TRAPPC12: variants seen among roughly 807,000 people sequenced by gnomAD.
The protein encoded by TRAPPC12 is TPR repeat protein 15.
In TRAPPC12, 61 loss-of-function variants were observed where a neutral mutation model predicts 69.2. That is an observed-to-expected ratio of 0.88 (90% confidence interval 0.72 to 1.09). TRAPPC12 has a LOEUF of 1.09. Among genes scored for constraint, TRAPPC12 ranks in the 50% least tolerant of loss-of-function variants. TRAPPC12 has a pLI of 0.00. For missense variants in TRAPPC12, 1,101 were observed against 1,016.4 expected (o/e 1.08, Z -1.13); for synonymous variants, 469 against 438.9 (o/e 1.07, Z -0.86).
intron 3 of TRAPPC12, among the ~76,000 whole-genome samples, chr2:3,415,958 C>T (rs564863872): frequency 4.6e-5 from 7 of 152,206 alleles, no homozygotes; most frequent in Non-Finnish European, 7.4e-5. Context: ...CCTCATGATC[C>T]GCCCCCCTCA....
At chr2:3,474,505 A>G (rs369181508) in intron 9 of TRAPPC12, among the ~76,000 whole-genome samples, 5 of 152,196 alleles carry the variant, frequency 3.3e-5, no homozygotes. Context: ...GACACTCAGT[A>G]TTAACCTTGA....
intron 2 of TRAPPC12, among the ~76,000 whole-genome samples, chr2:3,395,758 C>G (rs1483155436): frequency 6.7e-6 from 1 of 149,236 alleles, no homozygotes; most frequent in Non-Finnish European, 1.5e-5. Flanking sequence ...GAGACACAGT[C>G]TCACTCTGTC....
intron 5 of TRAPPC12, among the ~76,000 whole-genome samples, chr2:3,438,563 C>T (rs1338646683): frequency 1.4e-5 from 2 of 147,206 alleles, no homozygotes; most frequent in Non-Finnish European, 3.0e-5. Context: ...GATTGATCCC[C>T]CCTCACCCCT....
At chr2:3,426,501 G>A (rs1459961022) in intron 5 of TRAPPC12, among the ~76,000 whole-genome samples, 1 of 152,242 alleles carries the variant, frequency 6.6e-6, no homozygotes, top group African/African-American at 2.4e-5. Flanking sequence ...GCTTGAGGGT[G>A]CGTGTTCAGG....
chr2:3,422,675 CCTT>C (rs1662876877), intron 4 of TRAPPC12, among the ~76,000 whole-genome samples: 1 of 152,192 alleles, frequency 6.6e-6, no homozygotes, highest in Admixed American at 6.5e-5. Context: ...CCAGCAGGCT[CCTT>C]CTCCTTCTTT....
chr2:3,457,598 C>T lies in TRAPPC12; in HGVS notation c.1531-23C>T, dbSNP rs73131601. Reference sequence around the variant, plus strand: ...AAAAATTGGTTCCCATGATTTTGTCCTTCTCATTTGGAATGATTGCAGATC... The same window carrying T: ...AAAAATTGGTTCCCATGATTTTGTCTTTCTCATTTGGAATGATTGCAGATC... On this transcript the variant is annotated intron_variant, in intron 6 of 11. Coordinates refer to ENST00000324266, the MANE Select transcript of TRAPPC12 (RefSeq NM_016030.6). 5.3e-3 allele frequency: 8,602 copies of T among 1,609,174 alleles called. 381 individuals are homozygous for T. In the African/African-American group the frequency reaches 0.099, roughly 19 times the overall value.
intron 2 of TRAPPC12, chr2:3,388,880 A>G: frequency 6.0e-6 from 3 of 501,328 alleles, no homozygotes; most frequent in Non-Finnish European, 1.0e-5. Flanking sequence ...TGCTACTCAG[A>G]GAGGTAGAAA....
intron 1 of TRAPPC12, among the ~76,000 whole-genome samples, chr2:3,384,887 C>A (rs1480807153): frequency 6.6e-6 from 1 of 152,076 alleles, no homozygotes; most frequent in Non-Finnish European, 1.5e-5. Context: ...CCTATATTTT[C>A]TTTGTAGGAA....
intron 1 of TRAPPC12, among the ~76,000 whole-genome samples, chr2:3,385,268 T>C (rs1487485494): frequency 6.6e-6 from 1 of 152,168 alleles, no homozygotes; most frequent in Non-Finnish European, 1.5e-5. Context: ...AAAGCAAAAG[T>C]GATCATCCTT....
At chr2:3,404,277 C>G (rs966953770) in intron 3 of TRAPPC12, among the ~76,000 whole-genome samples, 1 of 152,160 alleles carries the variant, frequency 6.6e-6, no homozygotes, top group Non-Finnish European at 1.5e-5. Context: ...TTTTAAACTT[C>G]TCTTTGACTT....
At chr2:3,415,959 G>T (rs183674976) in intron 3 of TRAPPC12, among the ~76,000 whole-genome samples, 11 of 150,492 alleles carry the variant, frequency 7.3e-5, no homozygotes, top group African/African-American at 2.7e-4. Flanking sequence ...CTCATGATCC[G>T]CCCCCCTCAG....
rs372676903 is a variant in TRAPPC12 at position 3,443,814 on chromosome 2, G to A, written c.1453G>A (p.Ala485Thr). Residue 485 changes from alanine to threonine, a missense_variant, in exon 6 of 12, where the codon GCG (alanine) becomes ACG (threonine). Ala to Thr is a moderately conservative substitution (Grantham distance 58). Transcript: ENST00000324266. ...CCCCTTCTCGATGCGCATCTTGCAC[G>A]CGGAGCTTCAGCAGTACCTGGGGAA... ...MVPFSMRILHAELQQYLGNPQ... is the reference protein window; with the variant it reads ...MVPFSMRILHTELQQYLGNPQ... 238 of 1,613,982 alleles carry A rather than the reference G, an allele frequency of 1.5e-4. No individual in the cohort carries two copies. The highest frequency in any genetic ancestry group is 1.8e-4 in the Non-Finnish European group (217 of 1,180,040).
At chr2:3,462,811 C>T (rs1665579165) in intron 8 of TRAPPC12, 2 of 437,678 alleles carry the variant, frequency 4.6e-6, no homozygotes, top group Non-Finnish European at 9.6e-6. Flanking sequence ...GGCCCCCCCT[C>T]CCCCGGGTGC....
At chr2:3,419,133 C>G (rs557193531) in intron 3 of TRAPPC12, among the ~76,000 whole-genome samples, 1 of 152,214 alleles carries the variant, frequency 6.6e-6, no homozygotes, top group African/African-American at 2.4e-5. Flanking sequence ...TAACTCCTGC[C>G]TGTCCTCACT....
chr2:3,447,506 A>G (rs961108116), intron 6 of TRAPPC12, among the ~76,000 whole-genome samples: 6 of 152,016 alleles, frequency 3.9e-5, no homozygotes, highest in Non-Finnish European at 8.8e-5. Context: ...ACTTTTTTTG[A>G]CAATCAGATC....
At chr2:3,438,326 TC>T in intron 5 of TRAPPC12, among the ~76,000 whole-genome samples, 1 of 22,632 alleles carries the variant, frequency 4.4e-5, no homozygotes, top group Non-Finnish European at 8.1e-5. Context: ...TTAGCCCCCA[TC>T]ACCCCTGGGT....
chr2:3,392,430 C>T (rs556425770), intron 2 of TRAPPC12, among the ~76,000 whole-genome samples: 3 of 152,274 alleles, frequency 2.0e-5, no homozygotes, highest in African/African-American at 7.2e-5. Flanking sequence ...GGCAGAGTCC[C>T]ATGGGCGTGT....
At chr2:3,471,623 T>A (rs1224155275) in intron 9 of TRAPPC12, among the ~76,000 whole-genome samples, 1 of 152,182 alleles carries the variant, frequency 6.6e-6, no homozygotes, top group African/African-American at 2.4e-5. Flanking sequence ...TAAGCAAGAT[T>A]GAAGTCATTT....
At chr2:3,424,452 C>A (rs1572138881) in intron 4 of TRAPPC12, 73 bp from the exon 5 acceptor site, 3 of 1,398,150 alleles carry the variant, frequency 2.1e-6, no homozygotes, top group African/African-American at 2.9e-5. Flanking sequence ...CTAACACCAA[C>A]TCATAAGGAA....
Sources: allele counts gnomAD v4.1 joint callset (sites outside exome capture counted in the v4.1 genomes callset), GRCh38; gene constraint gnomAD v4.1.1; transcripts MANE v1.5; gene names NCBI Gene and HGNC (gene_info 2026-07-23, HGNC 2026-07-21).